Variants in RGS7 observed in about 807,000 individuals in gnomAD.
RGS7 encodes the protein regulator of G protein signaling 7.
Under a neutral mutation model 81.1 loss-of-function variants are expected in RGS7, and 27 were observed. The observed-to-expected ratio is 0.33, with a 90% CI of 0.25 to 0.46. The LOEUF is 0.46. RGS7 is among the 20% of genes least tolerant of loss of function. The pLI is 1.00. For synonymous variants in RGS7, 208 were observed against 207.7 expected (o/e 1.00, Z -0.01); for missense variants, 396 against 607.4 (o/e 0.65, Z 3.66).
chr1:240,953,325 G>T (rs1303549070), intron 4 of RGS7, among the ~76,000 whole-genome samples: 1 of 151,804 alleles, frequency 6.6e-6, no homozygotes, highest in South Asian at 2.1e-4. Flanking sequence ...TATTCATCAA[G>T]ATCAAACACA....
intron 2 of RGS7, among the ~76,000 whole-genome samples, chr1:241,119,692 A>G (rs1403130391): frequency 2.0e-5 from 3 of 152,244 alleles, no homozygotes; most frequent in African/African-American, 7.2e-5. Flanking sequence ...ATACAATGAG[A>G]AAAGCCTTTT....
chr1:241,147,797 T>C (rs1379424990), intron 2 of RGS7, among the ~76,000 whole-genome samples: 6 of 118,262 alleles, frequency 5.1e-5, no homozygotes, highest in East Asian at 2.8e-4. Context: ...TATATATATA[T>C]ATATATATAT....
chr1:241,191,376 C>CT (rs1399230448), intron 2 of RGS7, among the ~76,000 whole-genome samples: 2 of 151,938 alleles, frequency 1.3e-5, no homozygotes, highest in Non-Finnish European at 2.9e-5. Context: ...TCATGTGAGC[C>CT]TTTTTTTCTT....
chr1:240,865,594 C>G (rs1354816763), intron 9 of RGS7, among the ~76,000 whole-genome samples: 1 of 152,222 alleles, frequency 6.6e-6, no homozygotes, highest in African/African-American at 2.4e-5. Context: ...ACAGTCAGGA[C>G]AGACTATGAA....
chr1:241,321,046 TCAC>T (rs2081179366), intron 2 of RGS7, among the ~76,000 whole-genome samples: 1 of 152,224 alleles, frequency 6.6e-6, no homozygotes, highest in Non-Finnish European at 1.5e-5. Flanking sequence ...ACACTGACTA[TCAC>T]TCACTACAGA....
chr1:240,940,708 A>T (rs946958447), intron 4 of RGS7, among the ~76,000 whole-genome samples: 4 of 151,810 alleles, frequency 2.6e-5, no homozygotes, highest in African/African-American at 9.7e-5. Flanking sequence ...ACTAAAACCA[A>T]GCCAAGGAAC....
Position 240,806,239 on chromosome 1 carries a change from A to G in RGS7, c.1170T>C (p.Ala390=), listed in dbSNP as rs774118185. ...AGTTAATAGCACTGGGGGCTCCGGG[A>G]GCCAGAAACTCTTGCCATATTTCCT... ...RVQEIWQEFL[A]PGAPSAINLD... Residue 390 remains alanine (A), a synonymous_variant, in exon 15 of 19, where the codon GCT becomes GCC. Coordinates refer to ENST00000440928, the MANE Select transcript of RGS7 (RefSeq NM_001364886.1). The G allele has an allele frequency of 6.2e-7, 1 of 1,613,986 alleles. No individual in the cohort carries two copies. The highest frequency in any genetic ancestry group is 8.5e-7 in the Non-Finnish European group (1 of 1,179,924).
At chr1:241,121,707 G>GTTCTTTTTTTTT (rs2066268235) in intron 2 of RGS7, among the ~76,000 whole-genome samples, 1 of 62,286 alleles carries the variant, frequency 1.6e-5, no homozygotes, top group East Asian at 6.9e-4. Flanking sequence ...TGTTGCAATT[G>GTTCTTTTTTTTT]TTCTTTTTTT....
At chr1:241,104,247 CT>C (rs999419719) in intron 2 of RGS7, among the ~76,000 whole-genome samples, 6 of 152,020 alleles carry the variant, frequency 3.9e-5, no homozygotes, top group Admixed American at 1.3e-4. Flanking sequence ...GATACGGATC[CT>C]TTTTCTTTTA....
At chr1:240,894,269 G>A (rs929914632) in intron 6 of RGS7, among the ~76,000 whole-genome samples, 2 of 151,918 alleles carry the variant, frequency 1.3e-5, no homozygotes, top group African/African-American at 4.8e-5. Flanking sequence ...GCATCTATTG[G>A]CAGACTTTAC....
intron 4 of RGS7, among the ~76,000 whole-genome samples, chr1:240,962,690 A>G (rs3912106): frequency 0.42 from 63,651 of 151,966 alleles, 13,549 homozygotes; most frequent in South Asian, 0.47. Context: ...GCTCAGGGAG[A>G]TTTCCTGGAG....
intron 3 of RGS7, among the ~76,000 whole-genome samples, chr1:241,095,042 A>T (rs1166905800): frequency 1.3e-5 from 2 of 152,092 alleles, no homozygotes; most frequent in Non-Finnish European, 1.5e-5. Flanking sequence ...AATTTTTTTT[A>T]AAAAGTCATT....
chr1:240,941,468 C>T (rs2148396830), intron 4 of RGS7, among the ~76,000 whole-genome samples: 1 of 152,054 alleles, frequency 6.6e-6, no homozygotes, highest in Non-Finnish European at 1.5e-5. Context: ...GCAAAAGTAG[C>T]AAGTGAATCA....
rs770281786 is a variant in RGS7, at chr1:241,151,116, G to A, written c.79-52354C>T. Among the ~76,000 whole-genome samples the A allele has an allele frequency of 3.9e-5, 6 of 152,230 alleles. No individual in the cohort carries two copies. In the South Asian group the frequency reaches 6.2e-4, roughly 16 times the overall value. Reference sequence around the variant, plus strand: ...GATCTTCCCCACTCAGTCCACTGGCGCACATGCTAGTCTCCTGCATACACA... The same window carrying A: ...GATCTTCCCCACTCAGTCCACTGGCACACATGCTAGTCTCCTGCATACACA... On this transcript the variant is annotated intron_variant, in intron 2 of 18. Transcript: ENST00000440928.
intron 3 of RGS7, among the ~76,000 whole-genome samples, chr1:241,023,799 G>A: frequency 6.6e-6 from 1 of 152,178 alleles, no homozygotes; most frequent in Non-Finnish European, 1.5e-5. Flanking sequence ...AGGCTGCAGT[G>A]CAATGGCGCG....
At chr1:240,829,965 G>A (rs1297646906) in intron 9 of RGS7, among the ~76,000 whole-genome samples, 2 of 152,114 alleles carry the variant, frequency 1.3e-5, no homozygotes, top group Admixed American at 6.6e-5. Flanking sequence ...GTAAGATACT[G>A]AGCTCAGCAG....
rs114125110 is a variant in RGS7 at position 241,169,051 on chromosome 1, T to C, written c.79-70289A>G. ...AGGACATAAACTGTCCCCAGACTCC[T>C]GACCTCCTGACTCACAAAAACTGTG... is the stretch of plus-strand genomic sequence containing the variant. On this transcript the variant is annotated intron_variant, in intron 2 of 18. Transcript: ENST00000440928. 7.1e-3 allele frequency among the ~76,000 whole-genome samples: 1,083 copies of C among 152,300 alleles called. 19 individuals are homozygous for C. Among genetic ancestry groups the C allele is most frequent in the African/African-American group, 0.025 (1,049 of 41,562 alleles).
chr1:240,778,266 T>C (rs1683319405), intron 18 of RGS7, among the ~76,000 whole-genome samples: 4 of 152,346 alleles, frequency 2.6e-5, no homozygotes, highest in Admixed American at 2.6e-4. Context: ...GGATTTAACA[T>C]GTGAACTTGA....
chr1:241,314,022 C>CA (rs199666598), intron 2 of RGS7, among the ~76,000 whole-genome samples: 8 of 151,480 alleles, frequency 5.3e-5, no homozygotes, highest in African/African-American at 1.5e-4. Flanking sequence ...TATGAATGTG[C>CA]AAAAAAAAGT....
Sources: gnomAD v4.1 joint callset for allele counts (sites outside exome capture counted in the v4.1 genomes callset) on GRCh38, gnomAD v4.1.1 for gene constraint, MANE v1.5 for transcripts, NCBI Gene and HGNC (gene_info 2026-07-23, HGNC 2026-07-21) for gene names.